OLFM3: variants seen among roughly 807,000 people sequenced by gnomAD.
The protein encoded by OLFM3 is olfactomedin 3.
In OLFM3, 20 loss-of-function variants were observed where a neutral mutation model predicts 48.6. The observed-to-expected ratio is 0.41, with a 90% confidence interval of 0.29 to 0.60. OLFM3 has a LOEUF of 0.60. OLFM3 is among the 20% of genes least tolerant of loss of function. OLFM3 has a pLI of 0.28. For missense variants in OLFM3, 437 were observed against 544.3 expected (o/e 0.80, Z 1.96); for synonymous variants, 222 against 198.1 (o/e 1.12, Z -1.01).
intron 4 of OLFM3, 62 bp downstream of exon 4, chr1:101,824,964 G>C: frequency 3.6e-6 from 5 of 1,404,046 alleles, no homozygotes; most frequent in Non-Finnish European, 5.0e-6. Context: ...AAACGTAAGA[G>C]CACAATTTTC....
chr1:101,905,887 T>C (rs990482744), intron 1 of OLFM3, among the ~76,000 whole-genome samples: 3 of 152,166 alleles, frequency 2.0e-5, no homozygotes, highest in Admixed American at 6.5e-5. Flanking sequence ...TTCTCAGCAA[T>C]GCAACCAGGA....
chr1:101,993,899 C>T (rs893048252), intron 1 of OLFM3, among the ~76,000 whole-genome samples: 19 of 149,032 alleles, frequency 1.3e-4, no homozygotes, highest in African/African-American at 4.2e-4. Context: ...CATAAGATGG[C>T]GATACTTAAG....
At chr1:101,908,354 A>C (rs2101025365) in intron 1 of OLFM3, among the ~76,000 whole-genome samples, 1 of 152,360 alleles carries the variant, frequency 6.6e-6, no homozygotes, top group Non-Finnish European at 1.5e-5. Context: ...TATGAGGAAC[A>C]GTCCAAACCA....
intron 1 of OLFM3, among the ~76,000 whole-genome samples, chr1:101,961,562 G>T (rs1168706588): frequency 6.6e-6 from 1 of 152,012 alleles, no homozygotes; most frequent in Non-Finnish European, 1.5e-5. Flanking sequence ...TAATGATACA[G>T]ATCCTTGACA....
rs149297008 is a variant in OLFM3, at chr1:101,945,199, C to A, written c.69+51549G>T. 4.4e-3 allele frequency among the ~76,000 whole-genome samples: 673 copies of A among 152,258 alleles called. 9 individuals carry two copies. The highest frequency in any genetic ancestry group is 0.015 in the African/African-American group (642 of 41,536). On this transcript the variant is annotated intron_variant, in intron 1 of 5. Coordinates refer to ENST00000370103, the MANE Select transcript of OLFM3 (RefSeq NM_058170.4). ...AGAAATGAAAGTCCAATACAAAAGA[C>A]ATGTACATAAATGTTTACATCAGCT... is the stretch of plus-strand genomic sequence containing the variant.
In OLFM3 at chr1:101,908,422, C is replaced by T. The variant is rs2101025405; in HGVS notation, c.70-71397G>A. On this transcript the variant is annotated intron_variant, in intron 1 of 5. Transcript: ENST00000370103. ...TGTGCTAAAAGCTCTTGAAATTTCACACCTTTTATTGGAAAGGTGTAGACG... is the reference window on the plus strand; with the variant it reads ...TGTGCTAAAAGCTCTTGAAATTTCATACCTTTTATTGGAAAGGTGTAGACG... Among the ~76,000 whole-genome samples, 3 of 152,322 alleles carry T rather than the reference C, an allele frequency of 2.0e-5. No homozygotes were observed. In the Middle Eastern group the frequency reaches 0.01, roughly 518 times the overall value.
In OLFM3 at chr1:101,996,765, C is replaced by T. The variant is rs762702992; in HGVS notation, c.52G>A (p.Gly18Arg). 1 of 1,614,198 alleles carries T rather than the reference C, an allele frequency of 6.2e-7. No homozygotes were observed. The highest frequency in any genetic ancestry group is 8.5e-7 in the Non-Finnish European group (1 of 1,180,026). Residue 18 changes from glycine (G) to arginine (R), a missense_variant, in exon 1 of 6, where the codon GGA becomes AGA. Physicochemically the swap from Gly to Arg is moderately radical, Grantham distance 125 (BLOSUM62 -2). Around this residue, in one of 3 missense-constraint regions of OLFM3, gnomAD observed 314 missense variants for 365.5 expected, o/e 0.86. Coordinates refer to ENST00000370103, the MANE Select transcript of OLFM3 (RefSeq NM_058170.4). ...GTTCATACCTTGGAAGGATCTAATC[C>T]GGCAAACAAAGACAGCAGCAGGAGG... Reference protein sequence around the residue: ...LNLLLLSLFAGLDPSKTQISP... With the variant: ...LNLLLLSLFARLDPSKTQISP...
chr1:101,975,485 G>C (rs1570682120), intron 1 of OLFM3, among the ~76,000 whole-genome samples: 1 of 150,478 alleles, frequency 6.6e-6, no homozygotes, highest in African/African-American at 2.4e-5. Flanking sequence ...CAAAACATAA[G>C]AAATAGTTGG....
intron 1 of OLFM3, among the ~76,000 whole-genome samples, chr1:101,902,745 A>C (rs1015190118): frequency 6.6e-6 from 1 of 152,136 alleles, no homozygotes; most frequent in African/African-American, 2.4e-5. Context: ...AACTGTGCTT[A>C]ACAGCGTACG....
intron 2 of OLFM3, among the ~76,000 whole-genome samples, chr1:101,833,839 T>C (rs74666394): frequency 0.024 from 3,680 of 152,298 alleles, 64 homozygotes; most frequent in Non-Finnish European, 0.035. Context: ...ACTTTAGTAG[T>C]AAACTGTGTA....
chr1:101,827,923 G>A (rs767085277), intron 3 of OLFM3, among the ~76,000 whole-genome samples: 2 of 152,068 alleles, frequency 1.3e-5, no homozygotes, highest in African/African-American at 4.8e-5. Flanking sequence ...ATTGTATCAT[G>A]GGGGTGGTTT....
chr1:101,817,237 G>A (rs143113063), intron 4 of OLFM3, among the ~76,000 whole-genome samples: 1 of 152,248 alleles, frequency 6.6e-6, no homozygotes, highest in African/African-American at 2.4e-5. Context: ...ATGCCTGGAA[G>A]ACAAATGTTC....
At position 101,825,227 on chromosome 1, in the gene OLFM3, C is replaced by G. The variant is rs752465595; in HGVS notation, c.391G>C (p.Asp131His). 8.1e-6 allele frequency: 13 copies of G among 1,613,784 alleles called. No individual in the cohort carries two copies. The highest frequency in any genetic ancestry group is 1.0e-5 in the Non-Finnish European group (12 of 1,179,844). ...KHFQELKEKM[D>H]ELLPLIPVLE... ...ACGGGGATCAAAGGCAGGAGCTCGT[C>G]CATTTTCTCTTTCAACTCCTGTGAA... The change falls in exon 4 of 6, where the codon GAC becomes CAC. Residue 131 changes from aspartate to histidine, a missense_variant. This residue lies in a region of OLFM3 where 314 missense variants were observed against 365.5 expected (regional missense o/e 0.86). Coordinates refer to ENST00000370103, the MANE Select transcript of OLFM3 (RefSeq NM_058170.4).
intron 1 of OLFM3, among the ~76,000 whole-genome samples, chr1:101,929,756 T>A (rs1037895512): frequency 5.9e-5 from 9 of 152,128 alleles, no homozygotes; most frequent in Non-Finnish European, 1.2e-4. Context: ...TCAGAGAGAA[T>A]AGAATTTTTC....
rs796318807 is a variant in OLFM3 at position 101,910,501 on chromosome 1, T to G, written c.70-73476A>C. Among the ~76,000 whole-genome samples the G allele has an allele frequency of 1.5e-5, 2 of 129,058 alleles. 1 individual carries two copies. The highest frequency in any genetic ancestry group is 5.7e-5 in the African/African-American group (2 of 34,886). 84.7% of individuals were successfully genotyped at this position (129,058 alleles called of 152,430 possible). A position where few individuals can be genotyped will look rare whatever the true frequency, so the allele number is the denominator to read the frequency against. ...AAAAAAAAAGAAAGAAGAAAAAAAG[T>G]ACATTCTAAATAGACTAAAGAGTAT... On this transcript the variant is annotated intron_variant, in intron 1 of 5. Coordinates refer to ENST00000370103, the MANE Select transcript of OLFM3 (RefSeq NM_058170.4).
chr1:101,922,423 A>G (rs1041761232), intron 1 of OLFM3, among the ~76,000 whole-genome samples: 3 of 151,996 alleles, frequency 2.0e-5, no homozygotes, highest in Non-Finnish European at 2.9e-5. Context: ...AGCTGATCTC[A>G]TTATTATAAG....
intron 1 of OLFM3, among the ~76,000 whole-genome samples, chr1:101,850,031 T>C (rs367986388): frequency 6.6e-6 from 1 of 152,284 alleles, no homozygotes; most frequent in African/African-American, 2.4e-5. Flanking sequence ...CCTACATGTA[T>C]GAAAAAAATG....
chr1:101,877,944 A>C (rs969071320), intron 1 of OLFM3, among the ~76,000 whole-genome samples: 8 of 151,804 alleles, frequency 5.3e-5, no homozygotes, highest in Non-Finnish European at 1.2e-4. Context: ...AATACTTATA[A>C]AACTGGCTTA....
At chr1:101,920,195 T>G (rs1446921798) in intron 1 of OLFM3, among the ~76,000 whole-genome samples, 1 of 152,178 alleles carries the variant, frequency 6.6e-6, no homozygotes, top group African/African-American at 2.4e-5. Flanking sequence ...TGCAGAGTGA[T>G]TCTTTAAAAA....
Sources: gnomAD v4.1 joint callset for allele counts (sites outside exome capture counted in the v4.1 genomes callset) on GRCh38, gnomAD v4.1.1 for gene constraint, gnomAD v4.1.1 regional missense constraint, MANE v1.5 for transcripts, NCBI Gene and HGNC (gene_info 2026-07-23, HGNC 2026-07-21) for gene names.